The following BMPER variants were observed in gnomAD, a reference collection of about 807,000 sequenced individuals.
BMPER encodes BMP-binding endothelial regulator protein.
BMPER carries 45 observed loss-of-function variants against 87.3 expected under a neutral mutation model. That is an observed-to-expected ratio of 0.52 (90% CI 0.41 to 0.66). The LOEUF is 0.66. Among genes scored for constraint, BMPER ranks in the 30% least tolerant of loss-of-function variants. The probability of loss-of-function intolerance (pLI) is 0.00; values close to 1 mark genes in which losing one functional copy is unlikely to be tolerated. For synonymous variants in BMPER, 326 were observed against 316.2 expected (o/e 1.03, Z -0.33); for missense variants, 784 against 867.5 (o/e 0.90, Z 1.21).
chr7:33,993,576 AG>A (rs1786298777), intron 6 of BMPER, among the ~76,000 whole-genome samples: 1 of 151,846 alleles, frequency 6.6e-6, no homozygotes, highest in Admixed American at 6.6e-5. Flanking sequence ...GTCCTCCCGT[AG>A]CTCAGAGTAA....
At chr7:34,099,476 T>C (rs961691884) in intron 13 of BMPER, among the ~76,000 whole-genome samples, 1 of 152,258 alleles carries the variant, frequency 6.6e-6, no homozygotes, top group Non-Finnish European at 1.5e-5. Context: ...TGTTTAGTTC[T>C]ATTTTGACAA....
At chr7:34,051,560 A>G (rs559259519) in intron 7 of BMPER, among the ~76,000 whole-genome samples, 2 of 152,092 alleles carry the variant, frequency 1.3e-5, no homozygotes, top group East Asian at 1.9e-4. Context: ...CTTTCACTAG[A>G]CTGTGAGCTC....
intron 13 of BMPER, among the ~76,000 whole-genome samples, chr7:34,121,771 T>C (rs1180577646): frequency 6.6e-6 from 1 of 152,208 alleles, no homozygotes; most frequent in Non-Finnish European, 1.5e-5. Flanking sequence ...TTCTTTAGTA[T>C]CTCTGATGTG....
At chr7:34,085,583 TCA>T (rs1411252608) in intron 12 of BMPER, among the ~76,000 whole-genome samples, 171 bp from the exon 13 acceptor site, 2 of 152,190 alleles carry the variant, frequency 1.3e-5, no homozygotes, top group Non-Finnish European at 2.9e-5. Context: ...TCAGATAATT[TCA>T]CACATTATTC....
intron 13 of BMPER, among the ~76,000 whole-genome samples, chr7:34,118,927 T>A (rs1351468549): frequency 6.6e-6 from 1 of 151,690 alleles, no homozygotes; most frequent in Non-Finnish European, 1.5e-5. Flanking sequence ...ACTCTACAGA[T>A]TTTGGATTTA....
chr7:33,977,336 G>C (rs1785712885), intron 6 of BMPER, among the ~76,000 whole-genome samples: 1 of 152,174 alleles, frequency 6.6e-6, no homozygotes. Context: ...GGTAACTGTG[G>C]AGATGTTCAC....
chr7:34,015,379 G>A (rs1244688967), intron 6 of BMPER, among the ~76,000 whole-genome samples: 1 of 151,942 alleles, frequency 6.6e-6, no homozygotes, highest in Non-Finnish European at 1.5e-5. Flanking sequence ...CTAATACGAA[G>A]TAAAATGTAT....
chr7:34,037,456 C>A (rs759453668), intron 6 of BMPER, among the ~76,000 whole-genome samples: 1 of 152,088 alleles, frequency 6.6e-6, no homozygotes, highest in Non-Finnish European at 1.5e-5. Flanking sequence ...TCCACCGAGA[C>A]CGGTTGAGGC....
At chr7:34,129,568 A>T in intron 13 of BMPER, among the ~76,000 whole-genome samples, 1 of 110,204 alleles carries the variant, frequency 9.1e-6, no homozygotes, top group East Asian at 2.9e-4. Flanking sequence ...AAAGGAAGGA[A>T]GGAAGGAAGG....
intron 6 of BMPER, among the ~76,000 whole-genome samples, chr7:34,035,593 T>G (rs1295522602): frequency 1.3e-5 from 2 of 152,206 alleles, no homozygotes; most frequent in African/African-American, 4.8e-5. Flanking sequence ...TAACAGATAT[T>G]TTTTGTACCT....
rs750263920 is a variant in BMPER, at chr7:34,085,815, A to G, written c.1468A>G (p.Lys490Glu). 1.1e-5 allele frequency: 17 copies of G among 1,613,478 alleles called. No homozygotes were observed. The highest frequency in any genetic ancestry group is 1.4e-5 in the Non-Finnish European group (16 of 1,179,538). Residue 490 changes from lysine (K) to glutamate (E), a missense_variant, in exon 13 of 15, where the codon AAG becomes GAG. Lys to Glu is a moderately conservative substitution (Grantham distance 56). Transcript: ENST00000649409. ...AGAAGTCATGGCTGCGCCGCATCTC[A>G]AGGGCAAGCTCTGTGGTCTTTGTGG... Reference protein sequence around the residue: ...FVEVMAAPHLKGKLCGLCGNY... With the variant: ...FVEVMAAPHLEGKLCGLCGNY...
At chr7:33,989,794 A>G (rs1027964519) in intron 6 of BMPER, among the ~76,000 whole-genome samples, 1 of 152,132 alleles carries the variant, frequency 6.6e-6, no homozygotes, top group Non-Finnish European at 1.5e-5. Flanking sequence ...ATTTTTGTAT[A>G]AGGTGTAAGG....
Position 34,009,777 on chromosome 7 carries a change from A to T in BMPER, c.576+34993A>T, listed in dbSNP as rs189514348. 3.9e-5 allele frequency among the ~76,000 whole-genome samples: 6 copies of T among 152,052 alleles called. No homozygotes were observed. In the East Asian group the frequency reaches 1.2e-3, roughly 30 times the overall value. On this transcript the variant is annotated intron_variant, in intron 6 of 14. Transcript: ENST00000649409. ...GTCTCCTCTTTTGGCTTGTTCAGCA[A>T]GTTTCAGGCTTTATCTCTAGACTTC... is the stretch of plus-strand genomic sequence containing the variant.
chr7:34,078,184 A>G (rs1281427246), intron 11 of BMPER, among the ~76,000 whole-genome samples: 1 of 152,208 alleles, frequency 6.6e-6, no homozygotes, highest in African/African-American at 2.4e-5. Flanking sequence ...GTACTAAATT[A>G]TATTTCGTAA....
At chr7:34,093,582 C>G (rs1269419301) in intron 13 of BMPER, among the ~76,000 whole-genome samples, 1 of 152,218 alleles carries the variant, frequency 6.6e-6, no homozygotes, top group East Asian at 1.9e-4. Flanking sequence ...AGACCAGACT[C>G]TCTTTGGGCA....
At position 34,117,139 on chromosome 7, in the gene BMPER, C is replaced by T. The variant is rs545618958; in HGVS notation, c.1746-26091C>T. Among the ~76,000 whole-genome samples, 6 of 152,166 alleles carry T rather than the reference C, an allele frequency of 3.9e-5. No individual in the cohort carries two copies. In the East Asian group the frequency reaches 1.2e-3, roughly 29 times the overall value. On this transcript the variant is annotated intron_variant, in intron 13 of 14. Coordinates refer to ENST00000649409, the MANE Select transcript of BMPER (RefSeq NM_001365308.1). The stretch of plus-strand genomic sequence containing the variant: ...AGAAAAATCAATGTAAATCCGTATC[C>T]CCCAATCAGAACCTCATCTACCCTT...
intron 13 of BMPER, among the ~76,000 whole-genome samples, chr7:34,101,820 A>T (rs1245686664): frequency 6.6e-6 from 1 of 151,868 alleles, no homozygotes; most frequent in East Asian, 1.9e-4. Flanking sequence ...CAGGCCCAGG[A>T]CCCCCTCAGG....
chr7:33,950,140 A>G (rs1363301342), intron 3 of BMPER, among the ~76,000 whole-genome samples: 1 of 152,038 alleles, frequency 6.6e-6, no homozygotes, highest in African/African-American at 2.4e-5. Flanking sequence ...AGAAGATTAG[A>G]TTTCTAGGGC....
At chr7:33,943,513 G>C (rs533180074) in intron 3 of BMPER, among the ~76,000 whole-genome samples, 2 of 152,142 alleles carry the variant, frequency 1.3e-5, no homozygotes, top group Non-Finnish European at 2.9e-5. Flanking sequence ...GAACCAGCTT[G>C]TCATTCCTGT....
Sources: gnomAD v4.1 joint callset for allele counts (sites outside exome capture counted in the v4.1 genomes callset) on GRCh38, gnomAD v4.1.1 for gene constraint, MANE v1.5 for transcripts, NCBI Gene and HGNC (gene_info 2026-07-23, HGNC 2026-07-21) for gene names.